Variants in CADM1 observed in about 807,000 individuals in gnomAD.
The protein encoded by CADM1 is cell adhesion molecule 1.
A neutral mutation model predicts 53.1 loss-of-function variants in CADM1; 15 were observed. The ratio of observed to expected loss-of-function variants is 0.28; its 90% CI spans 0.19 to 0.44. The LOEUF (loss-of-function observed/expected upper bound fraction) is 0.44. Ranked by LOEUF, CADM1 falls within the 20% of genes least tolerant of loss-of-function variation. The probability of loss-of-function intolerance (pLI) is 1.00; values close to 1 mark genes in which losing one functional copy is unlikely to be tolerated. For synonymous variants in CADM1, 281 were observed against 243.0 expected (o/e 1.16, Z -1.45); for missense variants, 434 against 611.3 (o/e 0.71, Z 3.06).
At chr11:115,363,815 T>C (rs1446221053) in intron 1 of CADM1, 3 of 152,196 alleles carry the variant, frequency 2.0e-5, no homozygotes, top group East Asian at 1.9e-4. Context: ...CGGTCAACAA[T>C]GTACAGCTTA....
chr11:115,238,754 T>C (rs1942102033), intron 2 of CADM1, 102 bp from the exon 3 acceptor site: 1 of 1,284,100 alleles, frequency 7.8e-7, no homozygotes, highest in African/African-American at 1.5e-5. Flanking sequence ...ACTTCTTGAC[T>C]TACTATTTTG....
At chr11:115,499,365 G>A (rs193245991) in intron 1 of CADM1, among the ~76,000 whole-genome samples, 1 of 152,244 alleles carries the variant, frequency 6.6e-6, no homozygotes, top group East Asian at 1.9e-4. Flanking sequence ...CCCTATGAAG[G>A]TGCTTTGGAT....
intron 11 of CADM1, among the ~76,000 whole-genome samples, chr11:115,177,072 A>G (rs888580534): frequency 6.6e-6 from 1 of 152,228 alleles, no homozygotes; most frequent in Admixed American, 6.5e-5. Context: ...TCCCGTGTCT[A>G]TATGAATCAT....
At chr11:115,385,315 A>G (rs1946673270) in intron 1 of CADM1, among the ~76,000 whole-genome samples, 1 of 152,340 alleles carries the variant, frequency 6.6e-6, no homozygotes, top group African/African-American at 2.4e-5. Context: ...TTGTGGAAAT[A>G]GGATTTGCTG....
intron 1 of CADM1, among the ~76,000 whole-genome samples, chr11:115,475,409 C>G (rs1449747960): frequency 6.6e-6 from 1 of 152,100 alleles, no homozygotes; most frequent in African/African-American, 2.4e-5. Context: ...ACCTGGCAAT[C>G]TACTTCTAGG....
In CADM1 at chr11:115,265,999, G is replaced by A. The variant is rs78015578; in HGVS notation, c.125-25579C>T. 5.3e-3 allele frequency among the ~76,000 whole-genome samples: 805 copies of A among 152,262 alleles called. 9 individuals carry two copies. Among genetic ancestry groups the A allele is most frequent in the African/African-American group, 0.018 (741 of 41,532 alleles). ...TTGGGTGTCCTTTCGGGTTGAATGC[G>A]TCAGAAACCGTAGAAGTGGGGCCCA... On this transcript the variant is annotated intron_variant, in intron 1 of 11. Transcript: ENST00000331581.
intron 1 of CADM1, among the ~76,000 whole-genome samples, chr11:115,471,576 G>A (rs1043349190): frequency 1.3e-5 from 2 of 152,182 alleles, no homozygotes. Context: ...GCTGGTGTCA[G>A]AATGACCCCA....
In CADM1 at chr11:115,170,258, A is replaced by G. The variant is rs918761020; in HGVS notation, c.*6216T>C. 3 of 152,792 alleles carry G rather than the reference A, an allele frequency of 2.0e-5. No homozygotes were observed. The highest frequency in any genetic ancestry group is 7.2e-5 in the African/African-American group (3 of 41,402). The allele number at this position is 152,792 out of a possible 1,614,324, so 9.5% of individuals were successfully genotyped here. A position where few individuals can be genotyped will look rare whatever the true frequency, so the allele number is the denominator to read the frequency against. On this transcript the variant is annotated 3_prime_UTR_variant, in exon 12 of 12. Coordinates refer to ENST00000331581, the MANE Select transcript of CADM1 (RefSeq NM_001301043.2). The stretch of plus-strand genomic sequence containing the variant: ...TGGTTCTCACCTTCCCCAGATCAAC[A>G]CTTCGAAGGATTAGGAGGGAGTAAA...
At chr11:115,269,744 T>G (rs1487887260) in intron 1 of CADM1, among the ~76,000 whole-genome samples, 1 of 152,246 alleles carries the variant, frequency 6.6e-6, no homozygotes, top group Non-Finnish European at 1.5e-5. Flanking sequence ...GTCATGTGAC[T>G]TAAAGCATCT....
chr11:115,423,267 C>T (rs1301088812), intron 1 of CADM1, among the ~76,000 whole-genome samples: 2 of 152,118 alleles, frequency 1.3e-5, no homozygotes, highest in Non-Finnish European at 2.9e-5. Context: ...TTACAAACCA[C>T]AGTAATTTTG....
chr11:115,384,482 T>C (rs1946652661), intron 1 of CADM1, among the ~76,000 whole-genome samples: 1 of 152,198 alleles, frequency 6.6e-6, no homozygotes. Context: ...TTGGCTGTTA[T>C]CACAGAAAAC....
intron 1 of CADM1, among the ~76,000 whole-genome samples, chr11:115,468,819 A>G (rs1948948546): frequency 6.6e-6 from 1 of 152,218 alleles, no homozygotes; most frequent in South Asian, 2.1e-4. Flanking sequence ...AAAGAAAAAG[A>G]GGTATAATGG....
intron 1 of CADM1, among the ~76,000 whole-genome samples, chr11:115,484,568 G>A (rs1949328139): frequency 6.6e-6 from 1 of 152,146 alleles, no homozygotes; most frequent in South Asian, 2.1e-4. Flanking sequence ...ATATGGACAG[G>A]CTGAACTGGC....
intron 1 of CADM1, among the ~76,000 whole-genome samples, chr11:115,444,836 G>A (rs1948413407): frequency 6.6e-6 from 1 of 152,148 alleles, no homozygotes; most frequent in South Asian, 2.1e-4. Flanking sequence ...AAGCAGATTA[G>A]GAACACTAGA....
intron 1 of CADM1, among the ~76,000 whole-genome samples, chr11:115,346,164 T>G (rs1364395006): frequency 6.6e-6 from 1 of 152,152 alleles, no homozygotes; most frequent in Non-Finnish European, 1.5e-5. Flanking sequence ...CTCTCAAATA[T>G]CCACATGTGG....
intron 1 of CADM1, among the ~76,000 whole-genome samples, chr11:115,326,948 T>C (rs1944973933): frequency 6.6e-6 from 1 of 152,192 alleles, no homozygotes; most frequent in Non-Finnish European, 1.5e-5. Flanking sequence ...CACCGGGCTA[T>C]ACTTTCTAAA....
chr11:115,434,124 G>C (rs1197443674), intron 1 of CADM1, among the ~76,000 whole-genome samples: 1 of 152,098 alleles, frequency 6.6e-6, no homozygotes, highest in Non-Finnish European at 1.5e-5. Flanking sequence ...TCAGTAGTAA[G>C]GACTTTCACA....
chr11:115,208,362 TG>T (rs1379123104), intron 8 of CADM1, among the ~76,000 whole-genome samples: 1 of 152,230 alleles, frequency 6.6e-6, no homozygotes, highest in Non-Finnish European at 1.5e-5. Context: ...TATCAACTGA[TG>T]AGGCCTCCTC....
At chr11:115,233,386 A>C (rs1941894955) in intron 3 of CADM1, among the ~76,000 whole-genome samples, 1 of 152,232 alleles carries the variant, frequency 6.6e-6, no homozygotes, top group African/African-American at 2.4e-5. Flanking sequence ...AAAGGCTTTA[A>C]CAAAAGAAAT....
Sources: gnomAD v4.1 joint callset for allele counts (sites outside exome capture counted in the v4.1 genomes callset) on GRCh38, gnomAD v4.1.1 for gene constraint, MANE v1.5 for transcripts, NCBI Gene and HGNC (gene_info 2026-07-23, HGNC 2026-07-21) for gene names.